ERBB4: variants seen among roughly 807,000 people sequenced by gnomAD.
ERBB4 encodes the protein erb-b2 receptor tyrosine kinase 4, also known as receptor tyrosine-protein kinase erbB-4.
ERBB4 carries 42 observed loss-of-function variants against 158.0 expected under a neutral mutation model. That is an observed-to-expected ratio of 0.27 (90% confidence interval 0.21 to 0.34). ERBB4 has a LOEUF of 0.34. Among genes scored for constraint, ERBB4 ranks in the 10% least tolerant of loss-of-function variants. ERBB4 has a pLI of 1.00. For missense variants in ERBB4, 1,333 were observed against 1,624.1 expected, an observed-to-expected ratio of 0.82 and a Z score of 3.08; for synonymous variants, 583 against 558.7, an observed-to-expected ratio of 1.04 and a Z score of -0.61.
intron 20 of ERBB4, among the ~76,000 whole-genome samples, chr2:211,517,083 C>T (rs2066054821): frequency 6.6e-6 from 1 of 152,018 alleles, no homozygotes; most frequent in South Asian, 2.1e-4. Flanking sequence ...CTCCACTTGC[C>T]CCATATACAC....
At chr2:212,239,547 T>G (rs1454279540) in intron 1 of ERBB4, among the ~76,000 whole-genome samples, 1 of 152,184 alleles carries the variant, frequency 6.6e-6, no homozygotes, top group Non-Finnish European at 1.5e-5. Flanking sequence ...CATCTTCCTC[T>G]GAACTAGTGA....
intron 2 of ERBB4, among the ~76,000 whole-genome samples, chr2:211,949,481 ATGATAACATT>A (rs576239737): frequency 6.6e-5 from 10 of 152,350 alleles, no homozygotes; most frequent in Admixed American, 2.0e-4. Flanking sequence ...ATATGATGAA[ATGATAACATT>A]TGAGATAAAT....
intron 20 of ERBB4, among the ~76,000 whole-genome samples, chr2:211,514,493 G>C (rs2065972684): frequency 6.6e-6 from 1 of 152,098 alleles, no homozygotes; most frequent in South Asian, 2.1e-4. Context: ...AAAAATGAAA[G>C]AAGTTGCCAT....
chr2:212,472,854 T>C (rs1244874381), intron 1 of ERBB4, among the ~76,000 whole-genome samples: 1 of 151,898 alleles, frequency 6.6e-6, no homozygotes, highest in Non-Finnish European at 1.5e-5. Flanking sequence ...ATATGATGAA[T>C]GAGAATAAGC....
chr2:212,000,528 C>T (rs1170835263), intron 2 of ERBB4, among the ~76,000 whole-genome samples: 3 of 151,582 alleles, frequency 2.0e-5, no homozygotes, highest in Non-Finnish European at 4.4e-5. Flanking sequence ...AATCATTTAC[C>T]CTCTGTTTTA....
At chr2:212,503,614 C>G (rs992931385) in intron 1 of ERBB4, among the ~76,000 whole-genome samples, 12 of 152,044 alleles carry the variant, frequency 7.9e-5, no homozygotes, top group Non-Finnish European at 1.8e-4. Flanking sequence ...GTGCAAGCCC[C>G]CAAAGGAAAA....
intron 16 of ERBB4, among the ~76,000 whole-genome samples, chr2:211,631,866 T>C (rs1365039633): frequency 6.6e-6 from 1 of 152,100 alleles, no homozygotes; most frequent in Admixed American, 6.6e-5. Flanking sequence ...TTTATATTTT[T>C]AAAAGAACTT....
chr2:211,443,733 G>A (rs1463544833), intron 20 of ERBB4, among the ~76,000 whole-genome samples: 4 of 152,084 alleles, frequency 2.6e-5, no homozygotes, highest in South Asian at 2.1e-4. Flanking sequence ...CCATAGGCAC[G>A]TTAGACATGT....
intron 17 of ERBB4, among the ~76,000 whole-genome samples, chr2:211,627,477 G>T (rs1286822729): frequency 2.0e-5 from 3 of 152,200 alleles, no homozygotes; most frequent in Non-Finnish European, 4.4e-5. Context: ...TTATTCCCTA[G>T]AAAGTGTTTT....
intron 20 of ERBB4, among the ~76,000 whole-genome samples, chr2:211,469,761 C>T (rs1424793880): frequency 1.3e-5 from 2 of 152,284 alleles, no homozygotes; most frequent in East Asian, 3.9e-4. Context: ...AAGTATAACT[C>T]AGGTACATAA....
At chr2:212,082,602 C>T (rs1415982943) in intron 2 of ERBB4, among the ~76,000 whole-genome samples, 2 of 151,834 alleles carry the variant, frequency 1.3e-5, no homozygotes, top group African/African-American at 4.8e-5. Context: ...TATAAGAATA[C>T]CTATTTTCTA....
intron 1 of ERBB4, among the ~76,000 whole-genome samples, chr2:212,245,682 T>C (rs765720984): frequency 2.0e-5 from 3 of 152,160 alleles, no homozygotes; most frequent in Non-Finnish European, 4.4e-5. Context: ...TATCAACTGC[T>C]GTTTCCAAGA....
At chr2:212,014,288 A>G (rs892555599) in intron 2 of ERBB4, among the ~76,000 whole-genome samples, 1 of 152,216 alleles carries the variant, frequency 6.6e-6, no homozygotes, top group Non-Finnish European at 1.5e-5. Context: ...GAGATTTTTT[A>G]GGGGAGCTGC....
At chr2:212,263,036 G>T (rs1385484632) in intron 1 of ERBB4, among the ~76,000 whole-genome samples, 3 of 152,080 alleles carry the variant, frequency 2.0e-5, no homozygotes, top group Non-Finnish European at 4.4e-5. Flanking sequence ...CAGTGAATTA[G>T]GGTGGGCCCT....
intron 1 of ERBB4, among the ~76,000 whole-genome samples, chr2:212,176,266 A>AG (rs2081659781): frequency 6.6e-6 from 1 of 151,874 alleles, no homozygotes; most frequent in Admixed American, 6.6e-5. Flanking sequence ...ACCCCAATTC[A>AG]GATGTTGAAG....
chr2:211,431,177 G>A, intron 20 of ERBB4, 77 bp from the exon 21 acceptor site: 2 of 1,377,920 alleles, frequency 1.5e-6, no homozygotes, highest in South Asian at 1.2e-5. Flanking sequence ...AAGTTTCTTA[G>A]CCTTCAGTTG....
chr2:211,596,262 C>T (rs1031475986), intron 19 of ERBB4, among the ~76,000 whole-genome samples: 1 of 151,666 alleles, frequency 6.6e-6, no homozygotes, highest in African/African-American at 2.4e-5. Context: ...TGAAAGCATA[C>T]TTGCTCTGAC....
chr2:211,768,233 T>A (rs909809310), intron 4 of ERBB4, among the ~76,000 whole-genome samples: 2 of 152,174 alleles, frequency 1.3e-5, no homozygotes, highest in African/African-American at 4.8e-5. Context: ...CTGAAGGCCT[T>A]GGGCAGCTCT....
Position 212,178,270 on chromosome 2 carries a change from C to T in ERBB4, c.83-53367G>A, listed in dbSNP as rs190944135. 5.0e-3 allele frequency among the ~76,000 whole-genome samples: 763 copies of T among 151,446 alleles called. 3 individuals are homozygous for T. Among genetic ancestry groups the T allele is most frequent in the Non-Finnish European group, 8.0e-3 (544 of 67,746 alleles). ...GTCAATAGTAAAAAGATTGCTGTAA[C>T]CCATATTGGAGGATGTTTAAGGTTT... is the stretch of plus-strand genomic sequence containing the variant. On this transcript the variant is annotated intron_variant, in intron 1 of 27. Coordinates refer to ENST00000342788, the MANE Select transcript of ERBB4 (RefSeq NM_005235.3).
Sources: gnomAD v4.1 joint callset for allele counts (sites outside exome capture counted in the v4.1 genomes callset) on GRCh38, gnomAD v4.1.1 for gene constraint, MANE v1.5 for transcripts, NCBI Gene and HGNC (gene_info 2026-07-23, HGNC 2026-07-21) for gene names.